ZNRF3: variants seen among roughly 807,000 people sequenced by gnomAD.
ZNRF3 encodes E3 ubiquitin-protein ligase ZNRF3.
Under a neutral mutation model 72.5 loss-of-function variants are expected in ZNRF3, and 23 were observed. That is an observed-to-expected ratio of 0.32 (90% CI 0.23 to 0.45). The LOEUF (loss-of-function observed/expected upper bound fraction) is 0.45, where lower values mean the gene tolerates loss of function less well. ZNRF3 is among the 20% of genes least tolerant of loss of function. The pLI, the probability that ZNRF3 is intolerant of heterozygous loss-of-function variation, is 1.00. For missense variants in ZNRF3, 1,169 were observed against 1,272.1 expected, an observed-to-expected ratio of 0.92 and a Z score of 1.23; for synonymous variants, 610 against 545.3, an observed-to-expected ratio of 1.12 and a Z score of -1.65.
At position 28,994,176 on chromosome 22, in the gene ZNRF3, C is replaced by CTTTTTTTTTTTTTTTT. The variant is rs57329565; in HGVS notation, c.426+6987_426+7002dup. 5.2e-3 allele frequency among the ~76,000 whole-genome samples: 208 copies of CTTTTTTTTTTTTTTTT among 39,800 alleles called. 30 individuals are homozygous for CTTTTTTTTTTTTTTTT. Among genetic ancestry groups the CTTTTTTTTTTTTTTTT allele is most frequent in the African/African-American group, 8.8e-3 (79 of 8,974 alleles). The allele number at this position is 39,800 out of a possible 152,430, so 26.1% of individuals were successfully genotyped here. ...TCCTTTATTGTCCTTCAGTTCCTTT[C>CTTTTTTTTTTTTTTTT]TTTTTTTTTTTTTTTTTTTTTTTTT... On this transcript the variant is annotated intron_variant, in intron 2 of 8. Transcript: ENST00000544604.
At chr22:29,040,369 T>C (rs1047242000) in intron 2 of ZNRF3, among the ~76,000 whole-genome samples, 3 of 152,036 alleles carry the variant, frequency 2.0e-5, no homozygotes, top group Non-Finnish European at 4.4e-5. Context: ...TTAGTAGAGA[T>C]AGGCTTTCAC....
chr22:29,019,557 G>A (rs2036493352), intron 2 of ZNRF3, among the ~76,000 whole-genome samples: 1 of 152,152 alleles, frequency 6.6e-6, no homozygotes, highest in South Asian at 2.1e-4. Context: ...TAAAGAAATT[G>A]ATAATACCCA....
rs74920687 is a variant in ZNRF3 at position 28,944,056 on chromosome 22, C to T, written c.301-43020C>T. On this transcript the variant is annotated intron_variant, in intron 1 of 8. Coordinates refer to ENST00000544604, the MANE Select transcript of ZNRF3 (RefSeq NM_001206998.2). Reference sequence around the variant, plus strand: ...AAAAAAAAAGCCATTTTTAAAGCTACCCAAAGAGGAGAGTCTAAAATAAAA... The same window carrying T: ...AAAAAAAAAGCCATTTTTAAAGCTATCCAAAGAGGAGAGTCTAAAATAAAA... 7.1e-3 allele frequency among the ~76,000 whole-genome samples: 1,071 copies of T among 150,982 alleles called. 18 individuals carry two copies. The highest frequency in any genetic ancestry group is 0.025 in the African/African-American group (1,031 of 41,224).
intron 1 of ZNRF3, among the ~76,000 whole-genome samples, chr22:28,945,474 T>C (rs1349957727): frequency 1.3e-5 from 2 of 151,802 alleles, no homozygotes; most frequent in Non-Finnish European, 2.9e-5. Flanking sequence ...GGTGGATGGC[T>C]TGAGCCCAGG....
chr22:28,933,731 CACACA>C (rs1569251047), intron 1 of ZNRF3, among the ~76,000 whole-genome samples: 6 of 16,144 alleles, frequency 3.7e-4, no homozygotes, highest in Non-Finnish European at 5.5e-4. Flanking sequence ...CCACCCCCCC[CACACA>C]CACACACACA....
intron 1 of ZNRF3, among the ~76,000 whole-genome samples, chr22:28,924,930 G>C (rs2034574037): frequency 6.6e-6 from 1 of 151,996 alleles, no homozygotes; most frequent in Non-Finnish European, 1.5e-5. Context: ...TGAGTGCCAG[G>C]ATCACCACCA....
chr22:29,019,853 A>C (rs1384106155), intron 2 of ZNRF3, among the ~76,000 whole-genome samples: 2 of 152,198 alleles, frequency 1.3e-5, no homozygotes, highest in African/African-American at 4.8e-5. Flanking sequence ...ATAGAACCAG[A>C]AATAGGAAAT....
intron 2 of ZNRF3, among the ~76,000 whole-genome samples, chr22:29,014,399 T>C (rs894346635): frequency 4.6e-5 from 7 of 152,158 alleles, no homozygotes; most frequent in African/African-American, 1.7e-4. Context: ...TAGTGCAGGC[T>C]TGGGTGATGT....
chr22:28,889,586 C>T (rs545800159), intron 1 of ZNRF3, among the ~76,000 whole-genome samples: 39 of 152,320 alleles, frequency 2.6e-4, no homozygotes, highest in Non-Finnish European at 4.6e-4. Flanking sequence ...TGGAGACAGA[C>T]ACATGCATGG....
intron 8 of ZNRF3, among the ~76,000 whole-genome samples, chr22:29,051,295 C>A (rs753437336): frequency 6.6e-6 from 1 of 152,126 alleles, no homozygotes; most frequent in Non-Finnish European, 1.5e-5. Flanking sequence ...CTTGGCTCAC[C>A]CAACCACTTT....
chr22:29,056,352 C>T lies in ZNRF3; in HGVS notation c.*2730C>T, dbSNP rs965223397. 6.6e-6 allele frequency: 1 copy of T among 152,222 alleles called. No homozygotes were observed. The highest frequency in any genetic ancestry group is 2.4e-5 in the African/African-American group (1 of 41,446). The allele number at this position is 152,222 out of a possible 1,614,324, so 9.4% of individuals were successfully genotyped here. The stretch of plus-strand genomic sequence containing the variant: ...CCGACCTCAGGTGATCCGCCCACCT[C>T]GGCCTCCCAAAGTGCTGGGATTACA... On this transcript the variant is annotated 3_prime_UTR_variant, in exon 9 of 9. Transcript: ENST00000544604.
chr22:28,925,615 CACCCATAT>C (rs2034586453), intron 1 of ZNRF3, among the ~76,000 whole-genome samples: 1 of 152,162 alleles, frequency 6.6e-6, no homozygotes, highest in Non-Finnish European at 1.5e-5. Context: ...TTGCAGTCGA[CACCCATAT>C]ACCCACTATC....
chr22:28,902,819 G>C (rs2034133279), intron 1 of ZNRF3, among the ~76,000 whole-genome samples: 1 of 152,180 alleles, frequency 6.6e-6, no homozygotes, highest in Non-Finnish European at 1.5e-5. Flanking sequence ...TGGGGATGAG[G>C]TTGAAGAAAA....
intron 2 of ZNRF3, among the ~76,000 whole-genome samples, chr22:28,995,405 G>A (rs1256810790): frequency 6.6e-6 from 1 of 152,142 alleles, no homozygotes; most frequent in Admixed American, 6.6e-5. Context: ...TCCAAACTGG[G>A]CGACAGAGCG....
chr22:28,997,144 C>T (rs2036057875), intron 2 of ZNRF3, among the ~76,000 whole-genome samples: 2 of 152,142 alleles, frequency 1.3e-5, no homozygotes, highest in Admixed American at 6.5e-5. Flanking sequence ...ACAGCTGTTC[C>T]ACATCATAGG....
chr22:28,978,959 T>TA (rs2035721812), intron 1 of ZNRF3, among the ~76,000 whole-genome samples: 2 of 152,166 alleles, frequency 1.3e-5, no homozygotes, highest in Non-Finnish European at 2.9e-5. Context: ...AAGTTTTTGT[T>TA]TTTTTTCTGG....
chr22:28,944,196 G>A (rs977335172), intron 1 of ZNRF3, among the ~76,000 whole-genome samples: 1 of 152,088 alleles, frequency 6.6e-6, no homozygotes, highest in African/African-American at 2.4e-5. Context: ...CTCATACCCC[G>A]GCTAGGTGCA....
chr22:28,884,484 C>A (rs928472489), intron 1 of ZNRF3, among the ~76,000 whole-genome samples: 1 of 152,236 alleles, frequency 6.6e-6, no homozygotes, highest in African/African-American at 2.4e-5. Flanking sequence ...CATGCATGTT[C>A]TTTTTGGGTG....
chr22:28,991,167 A>T (rs947761977), intron 2 of ZNRF3, among the ~76,000 whole-genome samples: 7 of 150,230 alleles, frequency 4.7e-5, no homozygotes, highest in Non-Finnish European at 1.0e-4. Context: ...CTGTGGTTTC[A>T]GCTACTCGGG....
Sources: allele counts gnomAD v4.1 joint callset (sites outside exome capture counted in the v4.1 genomes callset), GRCh38; gene constraint gnomAD v4.1.1; transcripts MANE v1.5; gene names NCBI Gene and HGNC (gene_info 2026-07-23, HGNC 2026-07-21).